GRIK1: variants seen among roughly 807,000 people sequenced by gnomAD.
GRIK1 encodes glutamate ionotropic receptor kainate type subunit 1.
GRIK1 carries 69 observed loss-of-function variants against 105.7 expected under a neutral mutation model. The ratio of observed to expected loss-of-function variants is 0.65; its 90% CI spans 0.54 to 0.80. GRIK1 has a LOEUF of 0.80. GRIK1 is among the 30% of genes least tolerant of loss of function. GRIK1 has a pLI of 0.00. For synonymous variants in GRIK1, 438 were observed against 431.3 expected (o/e 1.02, Z -0.19); for missense variants, 1,109 against 1,167.3 (o/e 0.95, Z 0.73).
At chr21:29,899,253 T>G (rs1379634345) in intron 1 of GRIK1, among the ~76,000 whole-genome samples, 1 of 152,238 alleles carries the variant, frequency 6.6e-6, no homozygotes, top group African/African-American at 2.4e-5. Context: ...TTACTTTTGA[T>G]TGTTTTTTAA....
intron 7 of GRIK1, among the ~76,000 whole-genome samples, chr21:29,620,976 TG>T (rs1459204527): frequency 6.7e-6 from 1 of 150,088 alleles, no homozygotes; most frequent in Non-Finnish European, 1.5e-5. Context: ...ATACAGAATT[TG>T]GAAAAAAAAT....
chr21:29,854,378 C>A (rs1447365067), intron 1 of GRIK1, among the ~76,000 whole-genome samples: 2 of 152,098 alleles, frequency 1.3e-5, no homozygotes, highest in African/African-American at 4.8e-5. Flanking sequence ...TGGGATCAGA[C>A]TTCAACATGA....
At chr21:29,562,997 A>G (rs1402816167) in intron 14 of GRIK1, among the ~76,000 whole-genome samples, 5 of 151,990 alleles carry the variant, frequency 3.3e-5, no homozygotes, top group Non-Finnish European at 7.4e-5. Context: ...TGTAATTTCC[A>G]TACAGTTCCA....
chr21:29,713,464 C>G (rs1815716065), intron 1 of GRIK1, among the ~76,000 whole-genome samples: 2 of 152,006 alleles, frequency 1.3e-5, no homozygotes, highest in South Asian at 4.2e-4. Context: ...TTATTATTTT[C>G]CACAGATTTA....
intron 4 of GRIK1, among the ~76,000 whole-genome samples, chr21:29,667,672 G>A (rs1283022339): frequency 6.6e-6 from 1 of 152,168 alleles, no homozygotes; most frequent in Admixed American, 6.5e-5. Context: ...GAAACAGCAT[G>A]TTCATGCTCA....
chr21:29,827,965 T>C (rs1047379060), intron 1 of GRIK1, among the ~76,000 whole-genome samples: 29 of 148,460 alleles, frequency 2.0e-4, no homozygotes, highest in Non-Finnish European at 1.2e-4. Flanking sequence ...CTTTCTATAA[T>C]ATAGTTAGGA....
intron 1 of GRIK1, among the ~76,000 whole-genome samples, chr21:29,905,104 C>G (rs991556207): frequency 6.6e-6 from 1 of 152,198 alleles, no homozygotes; most frequent in Non-Finnish European, 1.5e-5. Flanking sequence ...TTTAAACCAA[C>G]TCATTTTAAA....
Position 29,867,057 on chromosome 21 carries a change from G to A in GRIK1, c.118+72326C>T, listed in dbSNP as rs529802846. On this transcript the variant is annotated intron_variant, in intron 1 of 17. Transcript: ENST00000327783. The stretch of plus-strand genomic sequence containing the variant: ...TTAATAAATTACATACAAAACATTT[G>A]GGAACAAAAAGTCTAATGACATTTT... Among the ~76,000 whole-genome samples, 425 of 152,176 alleles carry A rather than the reference G, an allele frequency of 2.8e-3. 3 individuals are homozygous for A. The highest frequency in any genetic ancestry group is 9.4e-3 in the African/African-American group (390 of 41,522).
intron 1 of GRIK1, among the ~76,000 whole-genome samples, chr21:29,724,303 C>T (rs1382931993): frequency 6.6e-6 from 1 of 152,154 alleles, no homozygotes; most frequent in Non-Finnish European, 1.5e-5. Context: ...ACCTACATCA[C>T]TGGCCCTTCC....
intron 1 of GRIK1, among the ~76,000 whole-genome samples, chr21:29,869,007 A>G (rs908358899): frequency 2.0e-5 from 3 of 152,366 alleles, no homozygotes; most frequent in Admixed American, 6.5e-5. Context: ...TAAACAAGAC[A>G]GCCTGGCATA....
chr21:29,839,364 T>C (rs755987231), intron 1 of GRIK1, among the ~76,000 whole-genome samples: 46 of 152,298 alleles, frequency 3.0e-4, no homozygotes, highest in Admixed American at 1.3e-3. Flanking sequence ...AATTTCTAGT[T>C]GTAATTTGAG....
At position 29,818,195 on chromosome 21, in the gene GRIK1, G is replaced by A. The variant is rs116309755; in HGVS notation, c.118+121188C>T. Among the ~76,000 whole-genome samples the A allele has an allele frequency of 4.1e-3, 619 of 152,108 alleles. 9 individuals carry two copies. The highest frequency in any genetic ancestry group is 0.014 in the African/African-American group (574 of 41,514). On this transcript the variant is annotated intron_variant, in intron 1 of 17. Transcript: ENST00000327783. ...ATATATTTCAACCATGTAAAACAAC[G>A]CACATTATATTGTCTGGCCAAATCC...
intron 3 of GRIK1, among the ~76,000 whole-genome samples, chr21:29,678,267 A>G (rs1319082263): frequency 6.6e-6 from 1 of 152,146 alleles, no homozygotes; most frequent in Non-Finnish European, 1.5e-5. Context: ...AAAACTAAAA[A>G]ATGAAAACGG....
intron 12 of GRIK1, 108 bp from the exon 13 acceptor site, chr21:29,581,651 AG>A (rs1420354560): frequency 3.8e-4 from 253 of 667,212 alleles, no homozygotes; most frequent in Non-Finnish European, 1.4e-4. Flanking sequence ...TAATCACAAA[AG>A]CTTCAAACCA....
At chr21:29,580,117 A>G (rs891250061) in intron 13 of GRIK1, among the ~76,000 whole-genome samples, 14 of 145,042 alleles carry the variant, frequency 9.7e-5, no homozygotes, top group Admixed American at 2.1e-4. Context: ...ATATACATAT[A>G]TACACATATA....
intron 1 of GRIK1, among the ~76,000 whole-genome samples, chr21:29,791,737 A>G (rs1399532771): frequency 6.6e-6 from 1 of 152,172 alleles, no homozygotes; most frequent in Non-Finnish European, 1.5e-5. Flanking sequence ...ACTACTAAGG[A>G]GTTGGAGGGC....
At chr21:29,780,219 G>A (rs1173968522) in intron 1 of GRIK1, among the ~76,000 whole-genome samples, 1 of 152,146 alleles carries the variant, frequency 6.6e-6, no homozygotes, top group Non-Finnish European at 1.5e-5. Context: ...TTTCCTGAAA[G>A]GTACTTATGG....
chr21:29,935,393 A>G (rs1439426909), intron 1 of GRIK1, among the ~76,000 whole-genome samples: 1 of 152,090 alleles, frequency 6.6e-6, no homozygotes, highest in Admixed American at 6.5e-5. Context: ...TGTCTGGCTC[A>G]TGCTAGGGAA....
rs111848641 is a variant in GRIK1 at position 29,866,398 on chromosome 21, AT to A, written c.118+72984del. Among the ~76,000 whole-genome samples the A allele has an allele frequency of 2.4e-3, 353 of 149,546 alleles. 2 individuals carry two copies. Among genetic ancestry groups the A allele is most frequent in the East Asian group, 6.6e-3 (34 of 5,140 alleles). On this transcript the variant is annotated intron_variant, in intron 1 of 17. Transcript: ENST00000327783. ...TGTTTAATTGTTTTTAATTGCTTTCATTTTTTTTTTAAAGGAAGCACATGAA... is the reference window on the plus strand; with the variant it reads ...TGTTTAATTGTTTTTAATTGCTTTCATTTTTTTTTAAAGGAAGCACATGAA...
Sources: allele counts gnomAD v4.1 joint callset (sites outside exome capture counted in the v4.1 genomes callset), GRCh38; gene constraint gnomAD v4.1.1; transcripts MANE v1.5; gene names NCBI Gene and HGNC (gene_info 2026-07-23, HGNC 2026-07-21).